PRKAR1B: variants seen among roughly 807,000 people sequenced by gnomAD.
The protein encoded by PRKAR1B is protein kinase cAMP-dependent type I regulatory subunit beta, also known as cAMP-dependent protein kinase type I-beta regulatory subunit.
PRKAR1B carries 22 observed loss-of-function variants against 46.5 expected under a neutral mutation model. The observed-to-expected ratio is 0.47, with a 90% CI of 0.34 to 0.68. The LOEUF is 0.68. Among genes scored for constraint, PRKAR1B ranks in the 30% least tolerant of loss-of-function variants. PRKAR1B has a pLI of 0.01. For missense variants in PRKAR1B, 445 were observed against 535.6 expected (o/e 0.83, Z 1.67); for synonymous variants, 259 against 217.7 (o/e 1.19, Z -1.67).
At chr7:590,468 G>A (rs1368823234) in intron 7 of PRKAR1B, among the ~76,000 whole-genome samples, 1 of 152,214 alleles carries the variant, frequency 6.6e-6, no homozygotes, top group Non-Finnish European at 1.5e-5. Context: ...GACCAGCAGG[G>A]TGGGGGCGGG....
chr7:582,939 CAAAATGGCACTAGAATT>C (rs1252644017), intron 8 of PRKAR1B, among the ~76,000 whole-genome samples: 1 of 152,212 alleles, frequency 6.6e-6, no homozygotes, highest in Non-Finnish European at 1.5e-5. Context: ...ATGACATTTT[CAAAATGGCACTAGAATT>C]AAAACCAGAC....
intron 2 of PRKAR1B, among the ~76,000 whole-genome samples, chr7:683,251 G>A (rs1049474558): frequency 1.3e-5 from 2 of 152,340 alleles, no homozygotes; most frequent in South Asian, 4.1e-4. Context: ...CCACGTGAAT[G>A]CCAAGGCCGG....
In PRKAR1B at chr7:623,716, G is replaced by A. The variant is rs564090381; in HGVS notation, c.441-16264C>T. On this transcript the variant is annotated intron_variant, in intron 4 of 10. Coordinates refer to ENST00000537384, the MANE Select transcript of PRKAR1B (RefSeq NM_001164760.2). ...GCAAGCCCAAGCTCCTTCCTCCACC[G>A]CAAGACCCCATTGCAGTGATCCCTG... is the stretch of plus-strand genomic sequence containing the variant. 1.4e-4 allele frequency among the ~76,000 whole-genome samples: 22 copies of A among 152,296 alleles called. No individual in the cohort carries two copies. In the East Asian group the frequency reaches 1.5e-3, roughly 11 times the overall value.
chr7:563,096 C>T (rs1359036404), intron 9 of PRKAR1B, among the ~76,000 whole-genome samples: 6 of 152,284 alleles, frequency 3.9e-5, no homozygotes, highest in African/African-American at 9.6e-5. Flanking sequence ...AGCCTGGGCC[C>T]GGAACTGACA....
chr7:710,174 A>T (rs949761305), intron 2 of PRKAR1B, among the ~76,000 whole-genome samples: 3 of 152,160 alleles, frequency 2.0e-5, no homozygotes, highest in South Asian at 4.1e-4. Context: ...ACACCGCCGG[A>T]TGGGGACCTG....
chr7:574,290 A>G (rs368486081), intron 9 of PRKAR1B, among the ~76,000 whole-genome samples: 1 of 152,264 alleles, frequency 6.6e-6, no homozygotes, highest in African/African-American at 2.4e-5. Flanking sequence ...GACGGCTGAG[A>G]AGCCGAGAGC....
intron 6 of PRKAR1B, among the ~76,000 whole-genome samples, chr7:597,668 C>T (rs1781342490): frequency 6.6e-6 from 1 of 152,240 alleles, no homozygotes; most frequent in Non-Finnish European, 1.5e-5. Context: ...TCCAGAACCT[C>T]TGCCTCTTGC....
intron 4 of PRKAR1B, among the ~76,000 whole-genome samples, chr7:636,791 C>G (rs1333264943): frequency 1.3e-5 from 2 of 152,214 alleles, no homozygotes; most frequent in African/African-American, 2.4e-5. Flanking sequence ...ACCTGCACGC[C>G]CCTCCCTCCT....
intron 3 of PRKAR1B, 91 bp downstream of exon 3, chr7:680,465 T>C: frequency 7.7e-7 from 1 of 1,290,986 alleles, no homozygotes; most frequent in Non-Finnish European, 1.0e-6. Flanking sequence ...CCCAGGAGGA[T>C]GAGGGTGCCC....
intron 1 of PRKAR1B, among the ~76,000 whole-genome samples, chr7:724,510 TC>T (rs1165684076): frequency 1.3e-5 from 2 of 152,210 alleles, no homozygotes; most frequent in African/African-American, 4.8e-5. Context: ...TTGTGAGGCC[TC>T]CCCAGCCATG....
At chr7:653,537 A>G (rs1445568960) in intron 4 of PRKAR1B, among the ~76,000 whole-genome samples, 1 of 152,192 alleles carries the variant, frequency 6.6e-6, no homozygotes, top group South Asian at 2.1e-4. Flanking sequence ...CAGGGGCCTC[A>G]GGAACTGTCC....
chr7:727,122 G>A (rs1781345186), intron 1 of PRKAR1B, 88 bp downstream of exon 1: 1 of 1,143,620 alleles, frequency 8.7e-7, no homozygotes, highest in Non-Finnish European at 1.1e-6. Context: ...CGCGCCGCCC[G>A]CCCGAGGCCT....
intron 2 of PRKAR1B, among the ~76,000 whole-genome samples, chr7:682,918 C>T (rs1778776393): frequency 6.6e-6 from 1 of 152,158 alleles, no homozygotes; most frequent in Admixed American, 6.5e-5. Context: ...ACAGATCAGG[C>T]ACACAAGGCC....
chr7:718,255 T>TACACACAC (rs35563369), intron 1 of PRKAR1B, among the ~76,000 whole-genome samples: 6 of 139,992 alleles, frequency 4.3e-5, no homozygotes, highest in African/African-American at 1.1e-4. Context: ...GCTTTATAGA[T>TACACACAC]ACACACACAC....
intron 8 of PRKAR1B, among the ~76,000 whole-genome samples, chr7:583,114 C>T (rs1780294540): frequency 1.3e-5 from 2 of 152,060 alleles, no homozygotes; most frequent in Admixed American, 6.5e-5. Flanking sequence ...CGGGTGAGGA[C>T]GGGGCTCTGG....
chr7:604,193 C>T (rs770704490), intron 6 of PRKAR1B, among the ~76,000 whole-genome samples: 2 of 152,216 alleles, frequency 1.3e-5, no homozygotes, highest in South Asian at 2.1e-4. Flanking sequence ...GGCCCCAAGA[C>T]GATGCCCGGC....
At chr7:587,379 A>G (rs1780659988) in intron 7 of PRKAR1B, among the ~76,000 whole-genome samples, 1 of 152,220 alleles carries the variant, frequency 6.6e-6, no homozygotes, top group African/African-American at 2.4e-5. Flanking sequence ...TCACATTGTC[A>G]CAACTCAGAG....
At chr7:691,460 C>T (rs917674976) in intron 2 of PRKAR1B, 71 of 1,297,746 alleles carry the variant, frequency 5.5e-5, no homozygotes, top group East Asian at 3.9e-4. Flanking sequence ...TCCACTCCCA[C>T]GGATGAAGAT....
chr7:654,954 C>T (rs1310766715), intron 4 of PRKAR1B, among the ~76,000 whole-genome samples: 1 of 152,202 alleles, frequency 6.6e-6, no homozygotes, highest in Non-Finnish European at 1.5e-5. Context: ...GGAAACAAAC[C>T]TCATAGCTGA....
Sources: gnomAD v4.1 joint callset for allele counts (sites outside exome capture counted in the v4.1 genomes callset) on GRCh38, gnomAD v4.1.1 for gene constraint, MANE v1.5 for transcripts, NCBI Gene and HGNC (gene_info 2026-07-23, HGNC 2026-07-21) for gene names.